RB1: variants seen among roughly 807,000 people sequenced by gnomAD.
RB1 encodes the protein RB transcriptional corepressor 1.
A neutral mutation model predicts 135.4 loss-of-function variants in RB1; 18 were observed. The observed-to-expected ratio is 0.13, with a 90% CI of 0.09 to 0.20. The LOEUF is 0.20. Among genes scored for constraint, RB1 ranks in the 10% least tolerant of loss-of-function variants. The pLI, the probability that RB1 is intolerant of heterozygous loss-of-function variation, is 1.00. For missense variants in RB1, 868 were observed against 1,110.0 expected (o/e 0.78, Z 3.10); for synonymous variants, 365 against 373.2 (o/e 0.98, Z 0.25).
intron 7 of RB1, chr13:48,360,423 G>T: frequency 3.1e-6 from 1 of 321,310 alleles, no homozygotes; most frequent in Non-Finnish European, 5.4e-6. Flanking sequence ...AGTAGTATTT[G>T]AAATTAACAT....
intron 17 of RB1, chr13:48,412,116 C>T: frequency 1.2e-6 from 2 of 1,613,538 alleles, no homozygotes; most frequent in Non-Finnish European, 1.7e-6. Flanking sequence ...GAACAGAATG[C>T]TTCCGTACAT....
intron 2 of RB1, among the ~76,000 whole-genome samples, chr13:48,334,795 T>C (rs1052068763): frequency 3.3e-5 from 5 of 152,204 alleles, no homozygotes; most frequent in African/African-American, 1.2e-4. Context: ...TTAGGGGTTA[T>C]CATTAGATTG....
At chr13:48,478,036 T>C (rs1216213684) in intron 26 of RB1, among the ~76,000 whole-genome samples, 2 of 152,214 alleles carry the variant, frequency 1.3e-5, no homozygotes, top group African/African-American at 4.8e-5. Flanking sequence ...AAATGTTCAC[T>C]AACTACTATT....
chr13:48,328,031 G>T, intron 2 of RB1: 3 of 709,354 alleles, frequency 4.2e-6, no homozygotes, highest in Non-Finnish European at 7.5e-6. Context: ...AAAGGAAACT[G>T]TTCTTTTTAA....
chr13:48,433,413 G>A (rs1209432141), intron 17 of RB1, among the ~76,000 whole-genome samples: 3 of 152,020 alleles, frequency 2.0e-5, no homozygotes, highest in Non-Finnish European at 4.4e-5. Flanking sequence ...TTGAAGAAGA[G>A]AATTGGGATT....
Position 48,460,541 on chromosome 13 carries a change from A to G in RB1, c.2106+708A>G, listed in dbSNP as rs572218045. Among the ~76,000 whole-genome samples the G allele has an allele frequency of 1.5e-3, 235 of 152,370 alleles. 1 individual carries two copies. Among genetic ancestry groups the G allele is most frequent in the African/African-American group, 5.3e-3 (221 of 41,590 alleles). ...GATATCATTTTAGTGTGAAAAAAGC[A>G]TGAGACTTAAGAATCAGTTGATTTA... On this transcript the variant is annotated intron_variant, in intron 20 of 26. Transcript: ENST00000267163.
chr13:48,310,597 G>C (rs546588292), intron 2 of RB1, among the ~76,000 whole-genome samples: 1 of 152,066 alleles, frequency 6.6e-6, no homozygotes, highest in African/African-American at 2.4e-5. Context: ...CTTGCAAACA[G>C]AATAATTTTA....
intron 12 of RB1, 66 bp downstream of exon 12, chr13:48,373,558 A>C (rs1292419715): frequency 9.8e-7 from 1 of 1,022,570 alleles, no homozygotes; most frequent in African/African-American, 1.6e-5. Flanking sequence ...TTAAAAGTTA[A>C]AGTACTGAGT....
chr13:48,340,258 C>T (rs1184780106), intron 2 of RB1, among the ~76,000 whole-genome samples: 1 of 151,850 alleles, frequency 6.6e-6, no homozygotes, highest in Non-Finnish European at 1.5e-5. Context: ...AAAACATAAC[C>T]CATAAAAGAA....
chr13:48,365,373 A>G (rs1952684462), intron 9 of RB1, among the ~76,000 whole-genome samples: 1 of 152,206 alleles, frequency 6.6e-6, no homozygotes, highest in South Asian at 2.1e-4. Context: ...TACATTGTGG[A>G]ACATCTCTTT....
chr13:48,463,930 C>A, intron 21 of RB1, 95 bp downstream of exon 21: 1 of 774,636 alleles, frequency 1.3e-6, no homozygotes, highest in South Asian at 1.5e-5. Flanking sequence ...TTAATGAGAT[C>A]ATATATTCTG....
At chr13:48,427,101 A>AC (rs1158604537) in intron 17 of RB1, among the ~76,000 whole-genome samples, 1 of 151,970 alleles carries the variant, frequency 6.6e-6, no homozygotes, top group Admixed American at 6.6e-5. Flanking sequence ...TGAGGGATCC[A>AC]CCCCCCTGAT....
chr13:48,443,560 T>A (rs1222377917), intron 17 of RB1, among the ~76,000 whole-genome samples: 1 of 152,178 alleles, frequency 6.6e-6, no homozygotes, highest in East Asian at 1.9e-4. Flanking sequence ...TACATTCAAA[T>A]AAAACCTTTT....
chr13:48,402,517 A>G (rs911320762), intron 17 of RB1, among the ~76,000 whole-genome samples: 1 of 151,828 alleles, frequency 6.6e-6, no homozygotes, highest in African/African-American at 2.4e-5. Context: ...AGATGTGACT[A>G]CAGGTGTGAG....
At chr13:48,341,784 A>G (rs764910197) in intron 2 of RB1, among the ~76,000 whole-genome samples, 2 of 152,014 alleles carry the variant, frequency 1.3e-5, no homozygotes, top group Non-Finnish European at 2.9e-5. Context: ...ATAATGTAAG[A>G]TGGTATTACA....
intron 18 of RB1, among the ~76,000 whole-genome samples, chr13:48,455,275 C>G (rs1949353165): frequency 6.6e-6 from 1 of 152,188 alleles, no homozygotes; most frequent in South Asian, 2.1e-4. Context: ...ATCCAGAGCT[C>G]TGCTTTGTTC....
At chr13:48,336,556 T>C (rs1952387290) in intron 2 of RB1, among the ~76,000 whole-genome samples, 1 of 152,064 alleles carries the variant, frequency 6.6e-6, no homozygotes, top group African/African-American at 2.4e-5. Flanking sequence ...TTTTATTGCA[T>C]CTATTTGATT....
intron 17 of RB1, chr13:48,423,930 A>G (rs934658878): frequency 6.6e-6 from 1 of 152,588 alleles, no homozygotes; most frequent in African/African-American, 2.4e-5. Flanking sequence ...CTCTTGAAGA[A>G]AGAAAGAAAA....
chr13:48,373,387 T>A lies in RB1; in HGVS notation c.1128-18T>A. ...CCCTTCATTGCTTAACACATTTTCC[T>A]ATTTTTATCCCCTCTAGGACTGTTA... On this transcript the variant is annotated intron_variant, in intron 11 of 26. Coordinates refer to ENST00000267163, the MANE Select transcript of RB1 (RefSeq NM_000321.3). 3 of 1,472,676 alleles carry A rather than the reference T, an allele frequency of 2.0e-6. No homozygotes were observed. The highest frequency in any genetic ancestry group is 1.9e-6 in the Non-Finnish European group (2 of 1,053,400). The allele number at this position is 1,472,676 out of a possible 1,614,324, so 91.2% of individuals were successfully genotyped here. A position where few individuals can be genotyped will look rare whatever the true frequency, so the allele number is the denominator to read the frequency against.
Sources: gnomAD v4.1 joint callset for allele counts (sites outside exome capture counted in the v4.1 genomes callset) on GRCh38, gnomAD v4.1.1 for gene constraint, MANE v1.5 for transcripts, NCBI Gene and HGNC (gene_info 2026-07-23, HGNC 2026-07-21) for gene names.